The following DPP10 variants were observed in gnomAD, a reference collection of about 807,000 sequenced individuals.
The protein encoded by DPP10 is dipeptidyl peptidase like 10.
DPP10 carries 33 observed loss-of-function variants against 120.9 expected under a neutral mutation model. The observed-to-expected ratio is 0.27, with a 90% CI of 0.21 to 0.37. The LOEUF is 0.37. DPP10 is among the 10% of genes least tolerant of loss of function. The pLI is 1.00. For missense variants in DPP10, 816 were observed against 942.8 expected, an observed-to-expected ratio of 0.87 and a Z score of 1.76; for synonymous variants, 337 against 326.1, an observed-to-expected ratio of 1.03 and a Z score of -0.36.
rs759789050 is a variant in DPP10, at chr2:115,782,343, A to C, written c.1484-9A>C. On this transcript the variant is annotated splice_polypyrimidine_tract_variant and intron_variant, in intron 16 of 25. Coordinates refer to ENST00000410059, the MANE Select transcript of DPP10 (RefSeq NM_020868.6). ...TAAAAATATTTATACACATATTTTTAAATTCCAGGTCCAAGGGTCCCAGTG... is the reference window on the plus strand; with the variant it reads ...TAAAAATATTTATACACATATTTTTCAATTCCAGGTCCAAGGGTCCCAGTG... 1.2e-5 allele frequency: 19 copies of C among 1,609,052 alleles called. No homozygotes were observed. The highest frequency in any genetic ancestry group is 8.8e-5 in the South Asian group (8 of 90,846).
chr2:114,835,400 TTACACACCTATGTATATATAAGACATATC>T (rs1320702580), intron 1 of DPP10: 4 of 145,998 alleles, frequency 2.7e-5, no homozygotes, highest in African/African-American at 1.0e-4. Context: ...TAAGCCATAT[TTACACACCTATGTATATATAAGACATATC>T]TACACACCTA....
chr2:115,844,143 A>C lies in DPP10; in HGVS notation c.*1798A>C, dbSNP rs1690419345. 6.6e-6 allele frequency: 1 copy of C among 152,578 alleles called. No homozygotes were observed. The allele number at this position is 152,578 out of a possible 1,614,324, so 9.5% of individuals were successfully genotyped here. On this transcript the variant is annotated 3_prime_UTR_variant, in exon 26 of 26. Transcript: ENST00000410059. ...AGAATAGTGAACACATTTTTTAACA[A>C]AATAAGTTGTAATTTTAAAAGGAAA...
At chr2:114,733,123 G>A (rs1272265850) in intron 1 of DPP10, among the ~76,000 whole-genome samples, 3 of 152,166 alleles carry the variant, frequency 2.0e-5, no homozygotes, top group African/African-American at 4.8e-5. Flanking sequence ...TAGGTGGTGC[G>A]AGAAGGGAGC....
intron 1 of DPP10, among the ~76,000 whole-genome samples, chr2:114,452,262 T>C (rs545507819): frequency 6.6e-6 from 1 of 151,416 alleles, no homozygotes; most frequent in Admixed American, 6.6e-5. Context: ...GGTGTAGAGA[T>C]GTGACAATTA....
chr2:114,966,974 G>A (rs919785761), intron 1 of DPP10, among the ~76,000 whole-genome samples: 2 of 152,040 alleles, frequency 1.3e-5, no homozygotes, highest in Non-Finnish European at 2.9e-5. Flanking sequence ...CTCGGGAGGC[G>A]GAGGTTGCAG....
At chr2:114,443,519 A>T (rs948301256) in intron 1 of DPP10, among the ~76,000 whole-genome samples, 1 of 152,162 alleles carries the variant, frequency 6.6e-6, no homozygotes, top group African/African-American at 2.4e-5. Flanking sequence ...GTTTCAAGTC[A>T]TGCTTATACC....
chr2:115,761,339 G>A (rs1482877752), intron 11 of DPP10, among the ~76,000 whole-genome samples: 1 of 152,190 alleles, frequency 6.6e-6, no homozygotes, highest in Non-Finnish European at 1.5e-5. Context: ...ATATTTCATT[G>A]CATACAGATA....
chr2:115,175,977 G>T (rs2053659601), intron 1 of DPP10, among the ~76,000 whole-genome samples: 1 of 152,122 alleles, frequency 6.6e-6, no homozygotes, highest in African/African-American at 2.4e-5. Context: ...CCAAGATTCT[G>T]CATTTATAGC....
At chr2:115,241,770 C>T (rs1243465338) in intron 1 of DPP10, among the ~76,000 whole-genome samples, 1 of 152,138 alleles carries the variant, frequency 6.6e-6, no homozygotes, top group Non-Finnish European at 1.5e-5. Flanking sequence ...TTAATTTATT[C>T]TTCATCTTTG....
At chr2:115,096,676 A>G (rs372045742) in intron 1 of DPP10, among the ~76,000 whole-genome samples, 29 of 152,194 alleles carry the variant, frequency 1.9e-4, no homozygotes, top group East Asian at 9.6e-4. Context: ...TAAATCAAGA[A>G]GTATACTAAA....
intron 5 of DPP10, among the ~76,000 whole-genome samples, chr2:115,595,108 A>C (rs986374009): frequency 1.4e-4 from 22 of 152,176 alleles, no homozygotes; most frequent in Admixed American, 1.3e-3. Flanking sequence ...TCAAATATGT[A>C]AGATTTTAAA....
intron 1 of DPP10, among the ~76,000 whole-genome samples, chr2:114,830,913 A>G (rs977059205): frequency 6.6e-6 from 1 of 152,018 alleles, no homozygotes; most frequent in African/African-American, 2.4e-5. Context: ...AAAAAAGTTA[A>G]AAACAAGCAT....
At chr2:115,442,698 T>A (rs1482874206) in intron 3 of DPP10, among the ~76,000 whole-genome samples, 1 of 152,174 alleles carries the variant, frequency 6.6e-6, no homozygotes, top group East Asian at 1.9e-4. Flanking sequence ...ATTTACTAAA[T>A]ATAATTTGTC....
In DPP10 at chr2:115,840,311, GTTTTTTGGTT is replaced by G. The variant is rs765644492; in HGVS notation, c.2183-432_2183-423del. Among the ~76,000 whole-genome samples the G allele has an allele frequency of 1.2e-4, 4 of 33,242 alleles. 1 individual carries two copies. The highest frequency in any genetic ancestry group is 5.4e-4 in the Admixed American group (2 of 3,678). 21.8% of individuals were successfully genotyped at this position (33,242 alleles called of 152,430 possible). A position where few individuals can be genotyped will look rare whatever the true frequency, so the allele number is the denominator to read the frequency against. ...CTTTCTACCTAAAGCCAGATATAAGGTTTTTTGGTTTTTTTTTTTTTTTTTTTTTTGAGAC... is the reference window on the plus strand; with the variant it reads ...CTTTCTACCTAAAGCCAGATATAAGGTTTTTTTTTTTTTTTTTTTTGAGAC... On this transcript the variant is annotated intron_variant, in intron 24 of 25. Coordinates refer to ENST00000410059, the MANE Select transcript of DPP10 (RefSeq NM_020868.6).
chr2:115,620,222 T>A (rs772930857), intron 5 of DPP10, among the ~76,000 whole-genome samples: 1 of 152,182 alleles, frequency 6.6e-6, no homozygotes, highest in Non-Finnish European at 1.5e-5. Context: ...ACTTTCCACG[T>A]GATCTTTCTA....
intron 1 of DPP10, among the ~76,000 whole-genome samples, chr2:115,141,847 C>G (rs1355727351): frequency 1.3e-5 from 2 of 152,076 alleles, no homozygotes; most frequent in East Asian, 3.9e-4. Context: ...AACGTCAGCT[C>G]ACTGCAACAT....
intron 5 of DPP10, among the ~76,000 whole-genome samples, chr2:115,653,143 T>G (rs2087957255): frequency 6.6e-6 from 1 of 151,986 alleles, no homozygotes; most frequent in Admixed American, 6.6e-5. Context: ...ATACAAAATT[T>G]AAAATATTGT....
At chr2:114,615,390 GTC>G (rs1016514320) in intron 1 of DPP10, among the ~76,000 whole-genome samples, 18 of 152,074 alleles carry the variant, frequency 1.2e-4, no homozygotes, top group African/African-American at 4.3e-4. Flanking sequence ...TATTTTCTTT[GTC>G]TCTATTCTCT....
At chr2:115,282,957 A>G (rs924093863) in intron 1 of DPP10, among the ~76,000 whole-genome samples, 1 of 152,094 alleles carries the variant, frequency 6.6e-6, no homozygotes, top group Non-Finnish European at 1.5e-5. Context: ...AAAAGTCCAA[A>G]TTAGTTTCAA....
Sources: allele counts gnomAD v4.1 joint callset (sites outside exome capture counted in the v4.1 genomes callset), GRCh38; gene constraint gnomAD v4.1.1; transcripts MANE v1.5; gene names NCBI Gene and HGNC (gene_info 2026-07-23, HGNC 2026-07-21).